ARHGDIB: variants seen among roughly 807,000 people sequenced by gnomAD.
ARHGDIB encodes rho GDP-dissociation inhibitor 2.
In ARHGDIB, 20 loss-of-function variants were observed where a neutral mutation model predicts 22.6. That is an observed-to-expected ratio of 0.88 (90% CI 0.62 to 1.28). The LOEUF (loss-of-function observed/expected upper bound fraction) is 1.28. Among genes scored for constraint, ARHGDIB ranks in the 50% most tolerant of loss-of-function variants. The pLI is 0.00. For missense variants in ARHGDIB, 254 were observed against 245.4 expected, an observed-to-expected ratio of 1.04 and a Z score of -0.23; for synonymous variants, 114 against 96.1, an observed-to-expected ratio of 1.19 and a Z score of -1.09.
intron 4 of ARHGDIB, 68 bp from the exon 5 acceptor site, chr12:14,944,907 T>C: frequency 7.3e-7 from 1 of 1,368,590 alleles, no homozygotes; most frequent in South Asian, 1.2e-5. Context: ...TCTTTCATGC[T>C]GATCCTGCCT....
intron 1 of ARHGDIB, among the ~76,000 whole-genome samples, chr12:14,955,025 ATATTT>A (rs778341368): frequency 3.9e-4 from 60 of 152,322 alleles, no homozygotes; most frequent in African/African-American, 1.3e-3. Flanking sequence ...CAGATGCTGC[ATATTT>A]TATTTTATTT....
intron 1 of ARHGDIB, among the ~76,000 whole-genome samples, chr12:14,954,221 C>T (rs1864249336): frequency 6.6e-6 from 1 of 152,166 alleles, no homozygotes; most frequent in Non-Finnish European, 1.5e-5. Flanking sequence ...TCAAGAGATC[C>T]ACCCGCCTTG....
At chr12:14,947,821 G>T in intron 4 of ARHGDIB, 52 bp downstream of exon 4, 1 of 1,415,712 alleles carries the variant, frequency 7.1e-7, no homozygotes, top group South Asian at 1.2e-5. Context: ...TGTAGTCACT[G>T]ATTAAAGAAA....
At chr12:14,950,827 T>C (rs1319302538) in intron 1 of ARHGDIB, 103 bp from the exon 2 acceptor site, 2 of 827,692 alleles carry the variant, frequency 2.4e-6, no homozygotes, top group Non-Finnish European at 3.6e-6. Flanking sequence ...ACTTCTCTGA[T>C]CATCAGTCAC....
intron 1 of ARHGDIB, among the ~76,000 whole-genome samples, chr12:14,956,747 A>T (rs1034976339): frequency 3.9e-5 from 6 of 152,150 alleles, no homozygotes; most frequent in African/African-American, 1.4e-4. Context: ...TAACTTTCAC[A>T]TTGGAGGCCT....
At position 14,942,570 on chromosome 12, in the gene ARHGDIB, G is replaced by A; in HGVS notation, c.558C>T (p.His186=). The part of the protein sequence containing the change: ...SFFTDDDKQD[H]LSWEWNLSIK... ...TCGACAGGTTCCACTCCCAGCTGAG[G>A]TGGTCTTGCTTGTCATCGTCGGTGA... The change falls in exon 6 of 6, where the codon CAC becomes CAT. Residue 186 remains histidine (H), a synonymous_variant. Coordinates refer to ENST00000228945, the MANE Select transcript of ARHGDIB (RefSeq NM_001175.7). 6.2e-7 allele frequency: 1 copy of A among 1,614,158 alleles called. No individual in the cohort carries two copies. Among genetic ancestry groups the A allele is most frequent in the Non-Finnish European group, 8.5e-7 (1 of 1,180,022 alleles).
chr12:14,960,149 A>C (rs1864382016), intron 1 of ARHGDIB, among the ~76,000 whole-genome samples: 1 of 152,190 alleles, frequency 6.6e-6, no homozygotes, highest in South Asian at 2.1e-4. Flanking sequence ...AGTGGTGACC[A>C]TGAGCCCTCC....
intron 1 of ARHGDIB, among the ~76,000 whole-genome samples, chr12:14,951,940 G>A (rs1446566075): frequency 6.6e-6 from 1 of 152,090 alleles, no homozygotes; most frequent in Non-Finnish European, 1.5e-5. Context: ...CCTCTGGGAA[G>A]AATTTCAGGC....
chr12:14,959,279 G>A (rs780395735), intron 1 of ARHGDIB, among the ~76,000 whole-genome samples: 13 of 152,156 alleles, frequency 8.5e-5, no homozygotes, highest in Non-Finnish European at 1.0e-4. Flanking sequence ...ATTAGCCAGC[G>A]TGGTGATGCG....
chr12:14,945,058 G>C (rs905156696), intron 4 of ARHGDIB, among the ~76,000 whole-genome samples: 2 of 152,144 alleles, frequency 1.3e-5, no homozygotes, highest in Non-Finnish European at 2.9e-5. Context: ...TTTAATTATC[G>C]AACATTTTGA....
chr12:14,945,885 A>T (rs1341318857), intron 4 of ARHGDIB, among the ~76,000 whole-genome samples: 1 of 152,248 alleles, frequency 6.6e-6, no homozygotes, highest in Non-Finnish European at 1.5e-5. Flanking sequence ...ACTGTGATAA[A>T]GCCCAGGCTT....
At chr12:14,953,706 T>C (rs2120739782) in intron 1 of ARHGDIB, among the ~76,000 whole-genome samples, 1 of 152,246 alleles carries the variant, frequency 6.6e-6, no homozygotes, top group South Asian at 2.1e-4. Flanking sequence ...AAGTCCTTTA[T>C]AGACTTATTT....
At chr12:14,958,546 C>G (rs1318596194) in intron 1 of ARHGDIB, among the ~76,000 whole-genome samples, 1 of 152,172 alleles carries the variant, frequency 6.6e-6, no homozygotes, top group Non-Finnish European at 1.5e-5. Context: ...ATCCCGTGAG[C>G]TTTGCTGAGT....
At chr12:14,948,388 TG>T (rs1411215313) in intron 3 of ARHGDIB, among the ~76,000 whole-genome samples, 1 of 152,218 alleles carries the variant, frequency 6.6e-6, no homozygotes, top group East Asian at 1.9e-4. Context: ...GTCAGCTATT[TG>T]TTTTTATAGA....
intron 4 of ARHGDIB, chr12:14,947,596 T>C (rs571975572): frequency 8.2e-6 from 3 of 367,070 alleles, no homozygotes; most frequent in Admixed American, 4.3e-5. Context: ...CACAAAGCAG[T>C]GTGTGCCTCG....
At chr12:14,949,576 C>T (rs1261706959) in intron 3 of ARHGDIB, among the ~76,000 whole-genome samples, 6 of 152,142 alleles carry the variant, frequency 3.9e-5, no homozygotes, top group African/African-American at 7.2e-5. Context: ...GTAAATATAT[C>T]AAATGTGTAT....
intron 4 of ARHGDIB, among the ~76,000 whole-genome samples, chr12:14,947,006 G>C (rs771547769): frequency 1.3e-5 from 2 of 152,064 alleles, no homozygotes; most frequent in Non-Finnish European, 2.9e-5. Flanking sequence ...TATGGGGTAG[G>C]GAGGTCATCC....
intron 4 of ARHGDIB, among the ~76,000 whole-genome samples, chr12:14,946,252 T>G (rs559402634): frequency 1.3e-5 from 2 of 152,254 alleles, no homozygotes; most frequent in South Asian, 2.1e-4. Flanking sequence ...CCACATTTCC[T>G]TGGGAGGCAG....
intron 1 of ARHGDIB, among the ~76,000 whole-genome samples, chr12:14,955,428 C>T (rs1178003937): frequency 6.6e-6 from 1 of 152,074 alleles, no homozygotes; most frequent in East Asian, 1.9e-4. Flanking sequence ...TAAATACCTC[C>T]TATGAATCAA....
Sources: gnomAD v4.1 joint callset for allele counts (sites outside exome capture counted in the v4.1 genomes callset) on GRCh38, gnomAD v4.1.1 for gene constraint, MANE v1.5 for transcripts, NCBI Gene and HGNC (gene_info 2026-07-23, HGNC 2026-07-21) for gene names.